Variants in ITGAX observed in about 807,000 individuals in gnomAD.
ITGAX encodes the protein integrin subunit alpha X, also known as integrin alpha-X.
Under a neutral mutation model 140.2 loss-of-function variants are expected in ITGAX, and 99 were observed. That is an observed-to-expected ratio of 0.71 (90% CI 0.60 to 0.83). The LOEUF (loss-of-function observed/expected upper bound fraction) is 0.83, where lower values mean the gene tolerates loss of function less well. ITGAX is among the 40% of genes least tolerant of loss of function. The pLI, the probability that ITGAX is intolerant of heterozygous loss-of-function variation, is 0.00. For synonymous variants in ITGAX, 631 were observed against 600.4 expected (o/e 1.05, Z -0.75); for missense variants, 1,444 against 1,482.0 (o/e 0.97, Z 0.42).
At chr16:31,360,499 C>A in intron 8 of ITGAX, 36 bp downstream of exon 8, 1 of 1,569,364 alleles carries the variant, frequency 6.4e-7, no homozygotes. Flanking sequence ...TCTCCCACGG[C>A]TTCCTCTCAG....
chr16:31,381,875 A>C lies in ITGAX; in HGVS notation c.3460A>C (p.Thr1154Pro). Residue 1154 changes from threonine to proline, a missense_variant, in exon 30 of 30, where the codon ACA (threonine) becomes CCA (proline). Thr to Pro is a conservative substitution (Grantham distance 38). Coordinates refer to ENST00000268296, the MANE Select transcript of ITGAX (RefSeq NM_000887.5). ...TGGACAAATTGCCCCAGAAAACGGG[A>C]CACAGACCCCCAGCCCGCCCAGTGA... The part of the protein sequence containing the change: ...ANGQIAPENG[T>P]QTPSPPSEK 1 of 886,416 alleles carries C rather than the reference A, an allele frequency of 1.1e-6. No homozygotes were observed. The highest frequency in any genetic ancestry group is 1.9e-6 in the Non-Finnish European group (1 of 514,246). 54.9% of individuals were successfully genotyped at this position (886,416 alleles called of 1,614,324 possible). A position where few individuals can be genotyped will look rare whatever the true frequency, so the allele number is the denominator to read the frequency against.
In ITGAX at chr16:31,380,384, G is replaced by A. The variant is rs572790406; in HGVS notation, c.3174+5G>A. ...AGCTTTGGCTGGGTCCGCCAGGTGT[G>A]TGGGTGCAACGACAGAGCCCCTGCC... On this transcript the variant is annotated splice_donor_5th_base_variant and intron_variant, in intron 27 of 29. Transcript: ENST00000268296. 17 of 1,613,858 alleles carry A rather than the reference G, an allele frequency of 1.1e-5. 1 individual carries two copies. The South Asian group carries it at 1.8e-4, about 17-fold the overall frequency.
intron 1 of ITGAX, among the ~76,000 whole-genome samples, 180 bp from the exon 2 acceptor site, chr16:31,355,713 G>A (rs945736444): frequency 6.6e-6 from 1 of 152,152 alleles, no homozygotes; most frequent in African/African-American, 2.4e-5. Context: ...AGTGGATGGT[G>A]GGCAAGGGGC....
Position 31,373,386 on chromosome 16 carries a change from G to A in ITGAX, c.2504G>A (p.Gly835Asp), listed in dbSNP as rs2080991461. The change falls in exon 20 of 30, where the codon GGC becomes GAC. Residue 835 changes from glycine to aspartate, a missense_variant. Physicochemically the swap from Gly to Asp is moderately conservative, Grantham distance 94. Coordinates refer to ENST00000268296, the MANE Select transcript of ITGAX (RefSeq NM_000887.5). ...AGLSYRYVAE[G>D]QKQGQLRSLH... ...CTGTCCTACCGCTACGTGGCAGAGG[G>A]CCAGGTGCACCCTCTGGGGAAGGAG... The A allele has an allele frequency of 4.3e-6, 7 of 1,610,142 alleles. No individual in the cohort carries two copies. The highest frequency in any genetic ancestry group is 5.9e-6 in the Non-Finnish European group (7 of 1,178,468).
Position 31,381,892 on chromosome 16 carries a change from G to A in ITGAX, c.3477G>A (p.Pro1159=), listed in dbSNP as rs762536056. Residue 1159 remains proline (P), a synonymous_variant, in exon 30 of 30, where the codon CCG becomes CCA. Transcript: ENST00000268296. ...APENGTQTPS[P]PSEK ...AAAACGGGACACAGACCCCCAGCCCGCCCAGTGAGAAATGATCCCCTCTTT... is the reference window on the plus strand; with the variant it reads ...AAAACGGGACACAGACCCCCAGCCCACCCAGTGAGAAATGATCCCCTCTTT... 7 of 901,646 alleles carry A rather than the reference G, an allele frequency of 7.8e-6. No homozygotes were observed. Among genetic ancestry groups the A allele is most frequent in the Middle Eastern group, 2.1e-4 (1 of 4,688 alleles). The allele number at this position is 901,646 out of a possible 1,614,324, so 55.9% of individuals were successfully genotyped here. A position where few individuals can be genotyped will look rare whatever the true frequency, so the allele number is the denominator to read the frequency against.
rs1437160488 is a variant in ITGAX at position 31,359,925 on chromosome 16, C to T, written c.567C>T (p.Ser189=). ...GCCCTGTGTGCTTCTCCCAGTTTTC[C>T]CTGATGCAGTTCTCCAACAAATTCC... ...SQFQRPSTQF[S]LMQFSNKFQT... The change falls in exon 7 of 30, where the codon TCC becomes TCT. Residue 189 remains serine (S), a synonymous_variant. Coordinates refer to ENST00000268296, the MANE Select transcript of ITGAX (RefSeq NM_000887.5). 1 of 1,614,124 alleles carries T rather than the reference C, an allele frequency of 6.2e-7. No homozygotes were observed. The highest frequency in any genetic ancestry group is 1.1e-5 in the South Asian group (1 of 91,086).
At chr16:31,360,191 G>T (rs1331736940) in intron 7 of ITGAX, 119 bp from the exon 8 acceptor site, 6 of 1,511,392 alleles carry the variant, frequency 4.0e-6, no homozygotes, top group Non-Finnish European at 5.4e-6. Context: ...TGCCAAGCTG[G>T]GGCCTCTGGG....
At chr16:31,369,952 C>T (rs1410181518) in intron 14 of ITGAX, 2 of 151,864 alleles carry the variant, frequency 1.3e-5, no homozygotes, top group Non-Finnish European at 2.9e-5. Flanking sequence ...GTGCCCTGCC[C>T]ATTATTATTA....
At position 31,380,014 on chromosome 16, in the gene ITGAX, C is replaced by T. The variant is rs371222071; in HGVS notation, c.3009C>T (p.Ile1003=). 47 of 1,614,034 alleles carry T rather than the reference C, an allele frequency of 2.9e-5. No homozygotes were observed. Among genetic ancestry groups the T allele is most frequent in the Non-Finnish European group, 3.8e-5 (45 of 1,180,010 alleles). ...NPSLRCSSEK[I]APPASDFLAH... is the part of the protein sequence containing the mutation. ...CCCTTCGGTGCTCCTCAGAGAAAAT[C>T]GCACCCCCAGCATCTGACTTCCTGG... The change falls in exon 26 of 30, where the codon ATC becomes ATT. Residue 1003 remains isoleucine, a synonymous_variant. Transcript: ENST00000268296.
rs1466176943 is a variant in ITGAX at position 31,380,551 on chromosome 16, G to A, written c.3203G>A (p.Ser1068Asn). 13 of 1,614,166 alleles carry A rather than the reference G, an allele frequency of 8.1e-6. No individual in the cohort carries two copies. In the Admixed American group the frequency reaches 2.0e-4, roughly 25 times the overall value. Residue 1068 changes from serine to asparagine, a missense_variant, in exon 28 of 30, where the codon AGT (serine) becomes AAT (asparagine). By Grantham distance (46) the Ser-to-Asn change is conservative. Coordinates refer to ENST00000268296, the MANE Select transcript of ITGAX (RefSeq NM_000887.5). Reference protein sequence around the residue: ...QILQKKVSVVSVAEITFDTSV... With the variant: ...QILQKKVSVVNVAEITFDTSV... The stretch of plus-strand genomic sequence containing the variant: ...TTGCAGAAGAAGGTGTCGGTCGTGA[G>A]TGTGGCTGAAATTACGTTCGACACA...
intron 5 of ITGAX, chr16:31,357,878 C>A (rs2142481214): frequency 3.7e-6 from 1 of 266,806 alleles, no homozygotes; most frequent in Non-Finnish European, 7.1e-6. Context: ...CACACATGTA[C>A]ATGCATGTGT....
At position 31,377,076 on chromosome 16, in the gene ITGAX, G is replaced by GTCC; in HGVS notation, c.2702_2703insTCC (p.Ser901_Ser902insPro). 6.2e-7 allele frequency: 1 copy of GTCC among 1,614,186 alleles called. No homozygotes were observed. The highest frequency in any genetic ancestry group is 8.5e-7 in the Non-Finnish European group (1 of 1,180,036). ...CGGCTGCTTCTGACAGCCAATGTGAGCAGGTGAGCCGGGCCAGGCCAGGGG... is the reference window on the plus strand; with the variant it reads ...CGGCTGCTTCTGACAGCCAATGTGAGTCCCAGGTGAGCCGGGCCAGGCCAGGGG... On this transcript the variant is annotated inframe_insertion, in exon 22 of 30. Coordinates refer to ENST00000268296, the MANE Select transcript of ITGAX (RefSeq NM_000887.5).
At chr16:31,381,531 C>T (rs558922388) in intron 29 of ITGAX, among the ~76,000 whole-genome samples, 60 of 152,188 alleles carry the variant, frequency 3.9e-4, no homozygotes, top group African/African-American at 1.3e-3. Context: ...CCCGTCTCTA[C>T]TAAAAATACA....
chr16:31,375,903 T>TA (rs1209405597), intron 20 of ITGAX, among the ~76,000 whole-genome samples: 3 of 152,228 alleles, frequency 2.0e-5, no homozygotes, highest in Non-Finnish European at 2.9e-5. Flanking sequence ...AAATGAGCTG[T>TA]AAAATAACAT....
At chr16:31,365,022 A>ACAAG (rs1328266273) in intron 14 of ITGAX, among the ~76,000 whole-genome samples, 1 of 151,924 alleles carries the variant, frequency 6.6e-6, no homozygotes, top group East Asian at 1.9e-4. Context: ...TCCGTCTCGA[A>ACAAG]CAAACAAACA....
At chr16:31,360,168 C>T (rs2080807781) in intron 7 of ITGAX, 103 bp downstream of exon 7, 5 of 1,525,428 alleles carry the variant, frequency 3.3e-6, no homozygotes, top group Non-Finnish European at 4.4e-6. Context: ...CAAAATCCAG[C>T]CCGTGATACC....
rs764495770 is a variant in ITGAX at position 31,357,287 on chromosome 16, G to A, written c.353G>A (p.Arg118Lys). 3.1e-6 allele frequency: 5 copies of A among 1,608,518 alleles called. No individual in the cohort carries two copies. Among genetic ancestry groups the A allele is most frequent in the Non-Finnish European group, 4.2e-6 (5 of 1,178,118 alleles). ...CCCACCGTGCACCACGAGTGCGGGAGGAACATGTACCTCACCGGACTCTGC... is the reference window on the plus strand; with the variant it reads ...CCCACCGTGCACCACGAGTGCGGGAAGAACATGTACCTCACCGGACTCTGC... ...CGPTVHHECGRNMYLTGLCFL... is the reference protein window; with the variant it reads ...CGPTVHHECGKNMYLTGLCFL... Residue 118 changes from arginine to lysine, a missense_variant, in exon 5 of 30, where the codon AGG becomes AAG. Physicochemically the swap from Arg to Lys is conservative, Grantham distance 26. Transcript: ENST00000268296.
chr16:31,357,040 A>G lies in ITGAX; in HGVS notation c.257A>G (p.Glu86Gly), dbSNP rs973778392. Residue 86 changes from glutamate to glycine, a missense_variant, in exon 4 of 30, where the codon GAG (glutamate) becomes GGG (glycine). Physicochemically the swap from Glu to Gly is moderately conservative, Grantham distance 98. Coordinates refer to ENST00000268296, the MANE Select transcript of ITGAX (RefSeq NM_000887.5). ...CEPIGLQVPP[E>G]AVNMSLGLSL... The stretch of plus-strand genomic sequence containing the variant: ...ATATCTGTCCCCACAGTGCCCCCGG[A>G]GGCCGTGAACATGTCCCTGGGCCTG... 6 of 1,608,432 alleles carry G rather than the reference A, an allele frequency of 3.7e-6. No individual in the cohort carries two copies. Among genetic ancestry groups the G allele is most frequent in the Non-Finnish European group, 5.1e-6 (6 of 1,179,200 alleles).
chr16:31,362,533 C>A (rs1420934255), intron 11 of ITGAX, 78 bp from the exon 12 acceptor site: 40 of 1,442,092 alleles, frequency 2.8e-5, no homozygotes, highest in Non-Finnish European at 3.6e-5. Flanking sequence ...GGAGATGGTG[C>A]TGTGCTGCCC....
Sources: gnomAD v4.1 joint callset for allele counts (sites outside exome capture counted in the v4.1 genomes callset) on GRCh38, gnomAD v4.1.1 for gene constraint, MANE v1.5 for transcripts, NCBI Gene and HGNC (gene_info 2026-07-23, HGNC 2026-07-21) for gene names.